SCARA3: variants seen among roughly 807,000 people sequenced by gnomAD.
SCARA3 encodes cellular stress response gene protein.
In SCARA3, 39 loss-of-function variants were observed where a neutral mutation model predicts 47.0. The ratio of observed to expected loss-of-function variants is 0.83; its 90% CI spans 0.64 to 1.08. SCARA3 has a LOEUF of 1.08. Among genes scored for constraint, SCARA3 ranks in the 50% least tolerant of loss-of-function variants. The pLI, the probability that SCARA3 is intolerant of heterozygous loss-of-function variation, is 0.00. For missense variants in SCARA3, 724 were observed against 792.3 expected (o/e 0.91, Z 1.04); for synonymous variants, 356 against 334.1 (o/e 1.07, Z -0.71).
Position 27,657,783 on chromosome 8 carries a change from G to T in SCARA3, c.326-713G>T, listed in dbSNP as rs753098513. 2.0e-5 allele frequency among the ~76,000 whole-genome samples: 3 copies of T among 151,700 alleles called. No homozygotes were observed. The South Asian group carries it at 6.3e-4, about 32-fold the overall frequency. On this transcript the variant is annotated intron_variant, in intron 4 of 5. Transcript: ENST00000301904. Reference sequence around the variant, plus strand: ...TCTCGATCTCCTGACCTCGTGATCCGCCCGCCTCTGCCTCCCAAAGTGCTG... The same window carrying T: ...TCTCGATCTCCTGACCTCGTGATCCTCCCGCCTCTGCCTCCCAAAGTGCTG...
At chr8:27,718,958 C>A in the SCARA3 span, among the ~76,000 whole-genome samples, 4 of 152,270 alleles carry the variant, frequency 2.6e-5, no homozygotes, top group South Asian at 4.1e-4. Flanking sequence ...AGTCTCAAGA[C>A]GTAAATAGAG....
the SCARA3 span, chr8:27,703,559 A>G: frequency 1.2e-4 from 18 of 152,318 alleles, no homozygotes; most frequent in Admixed American, 6.5e-4. Context: ...TGGTTATCAA[A>G]CGCACAGCCA....
At chr8:27,714,545 G>A in the SCARA3 span, among the ~76,000 whole-genome samples, 1 of 152,088 alleles carries the variant, frequency 6.6e-6, no homozygotes, top group East Asian at 1.9e-4. Flanking sequence ...GATGCTAGCT[G>A]GGCTTATGGC....
intron 1 of SCARA3, among the ~76,000 whole-genome samples, chr8:27,648,269 G>A (rs1460558549): frequency 6.6e-6 from 1 of 152,218 alleles, no homozygotes; most frequent in Non-Finnish European, 1.5e-5. Flanking sequence ...ATAAGATGTT[G>A]TGAAGATTGC....
chr8:27,646,736 G>A (rs144681926), intron 1 of SCARA3, among the ~76,000 whole-genome samples: 1 of 152,256 alleles, frequency 6.6e-6, no homozygotes, highest in African/African-American at 2.4e-5. Context: ...GAAACAGAAG[G>A]TACCAAGGAA....
chr8:27,655,672 C>G (rs1035117866), intron 3 of SCARA3, among the ~76,000 whole-genome samples: 6 of 152,096 alleles, frequency 3.9e-5, no homozygotes, highest in Non-Finnish European at 8.8e-5. Flanking sequence ...AGGATTATTT[C>G]TAGAATTAAG....
the SCARA3 span, among the ~76,000 whole-genome samples, chr8:27,721,038 C>A: frequency 6.6e-6 from 1 of 152,060 alleles, no homozygotes; most frequent in South Asian, 2.1e-4. Context: ...TTCATCCATT[C>A]ATGCACCTAT....
chr8:27,705,841 C>T, the SCARA3 span, among the ~76,000 whole-genome samples: 2 of 152,202 alleles, frequency 1.3e-5, no homozygotes, highest in Non-Finnish European at 2.9e-5. Flanking sequence ...ACCAAAAAAT[C>T]TTTCTGTAAG....
At chr8:27,655,711 A>G (rs1801728854) in intron 3 of SCARA3, among the ~76,000 whole-genome samples, 1 of 152,198 alleles carries the variant, frequency 6.6e-6, no homozygotes, top group Non-Finnish European at 1.5e-5. Flanking sequence ...ATCAAGTTTT[A>G]TTTATGAGCT....
At chr8:27,690,165 C>T in the SCARA3 span, among the ~76,000 whole-genome samples, 3 of 152,262 alleles carry the variant, frequency 2.0e-5, no homozygotes, top group East Asian at 1.9e-4. Context: ...CACCTCCATG[C>T]CTCACCGTGT....
At chr8:27,657,506 A>G (rs1204183276) in intron 4 of SCARA3, among the ~76,000 whole-genome samples, 1 of 122,532 alleles carries the variant, frequency 8.2e-6, no homozygotes, top group East Asian at 2.4e-4. Flanking sequence ...ACTGAAGTCT[A>G]TTGTTGCCAT....
chr8:27,692,014 A>G, the SCARA3 span, among the ~76,000 whole-genome samples: 1 of 152,306 alleles, frequency 6.6e-6, no homozygotes, highest in East Asian at 1.9e-4. Context: ...GGGCATTCCA[A>G]AATTAACCTG....
chr8:27,667,150 A>T (rs1376793214), intron 5 of SCARA3, among the ~76,000 whole-genome samples: 2 of 152,090 alleles, frequency 1.3e-5, no homozygotes, highest in Non-Finnish European at 1.5e-5. Context: ...CCCGGCCTGG[A>T]GGGGCCTTGG....
chr8:27,639,944 A>G (rs1488606266), intron 1 of SCARA3, among the ~76,000 whole-genome samples: 1 of 152,072 alleles, frequency 6.6e-6, no homozygotes, highest in African/African-American at 2.4e-5. Flanking sequence ...ATCAGAAGCA[A>G]AGGCGCAGGA....
At chr8:27,692,372 A>G in the SCARA3 span, among the ~76,000 whole-genome samples, 1 of 151,628 alleles carries the variant, frequency 6.6e-6, no homozygotes, top group Non-Finnish European at 1.5e-5. Flanking sequence ...GTGAGCTGAG[A>G]TCACGTCATT....
downstream of SCARA3, among the ~76,000 whole-genome samples, chr8:27,673,652 G>T (rs1266256906): frequency 1.3e-5 from 2 of 152,170 alleles, no homozygotes; most frequent in Non-Finnish European, 2.9e-5. Flanking sequence ...TTCCTCTATA[G>T]TGAGTAGCAT....
At chr8:27,696,261 T>C in the SCARA3 span, among the ~76,000 whole-genome samples, 307 of 152,214 alleles carry the variant, frequency 2.0e-3, 1 homozygote, top group African/African-American at 6.9e-3. Flanking sequence ...CCTCCCACCT[T>C]GGCCTTCCAA....
chr8:27,719,203 A>C, the SCARA3 span, among the ~76,000 whole-genome samples: 2 of 152,238 alleles, frequency 1.3e-5, no homozygotes, highest in Non-Finnish European at 2.9e-5. Context: ...ACAGACACAA[A>C]AAAGAATGAG....
chr8:27,706,832 A>G, the SCARA3 span, among the ~76,000 whole-genome samples: 1 of 152,092 alleles, frequency 6.6e-6, no homozygotes, highest in African/African-American at 2.4e-5. Flanking sequence ...AGTGATACCT[A>G]TGAGAAAAGA....
Sources: allele counts gnomAD v4.1 joint callset (sites outside exome capture counted in the v4.1 genomes callset), GRCh38; gene constraint gnomAD v4.1.1; transcripts MANE v1.5; gene names NCBI Gene and HGNC (gene_info 2026-07-23, HGNC 2026-07-21).